The following ARHGAP29 variants were observed in gnomAD, a reference collection of about 807,000 sequenced individuals.
The protein encoded by ARHGAP29 is rho GTPase-activating protein 29.
ARHGAP29 carries 43 observed loss-of-function variants against 122.6 expected under a neutral mutation model. The ratio of observed to expected loss-of-function variants is 0.35; its 90% confidence interval spans 0.27 to 0.45. The LOEUF (loss-of-function observed/expected upper bound fraction) is 0.45, where lower values mean the gene tolerates loss of function less well. ARHGAP29 is among the 20% of genes least tolerant of loss of function. ARHGAP29 has a pLI of 1.00. For missense variants in ARHGAP29, 1,303 were observed against 1,477.2 expected (o/e 0.88, Z 1.93); for synonymous variants, 506 against 497.1 (o/e 1.02, Z -0.24).
the ARHGAP29 span, among the ~76,000 whole-genome samples, chr1:94,312,355 G>GTTTTTTTTTT: frequency 5.6e-5 from 5 of 88,792 alleles, no homozygotes; most frequent in Non-Finnish European, 9.1e-5. Flanking sequence ...ATTTTTATTT[G>GTTTTTTTTTT]TTTTTTTTTT....
intron 5 of ARHGAP29, among the ~76,000 whole-genome samples, chr1:94,208,465 CTT>C (rs1183800081): frequency 6.9e-6 from 1 of 145,662 alleles, no homozygotes; most frequent in African/African-American, 2.5e-5. Context: ...AGCAATTTTT[CTT>C]TTTTTTTTTG....
intron 1 of ARHGAP29, among the ~76,000 whole-genome samples, chr1:94,260,337 C>A (rs992684654): frequency 7.9e-5 from 12 of 152,298 alleles, no homozygotes; most frequent in Admixed American, 3.9e-4. Flanking sequence ...CCCAGAGGGG[C>A]CCTGCCTCAA....
chr1:94,286,101 T>A, the ARHGAP29 span, among the ~76,000 whole-genome samples: 1 of 152,134 alleles, frequency 6.6e-6, no homozygotes, highest in African/African-American at 2.4e-5. Context: ...GGGCTGGAAG[T>A]CTTACATTAG....
Position 94,220,372 on chromosome 1 carries a change from G to A in ARHGAP29, c.226C>T (p.His76Tyr), listed in dbSNP as rs767473796. 8.1e-6 allele frequency: 13 copies of A among 1,599,562 alleles called. No individual in the cohort carries two copies. In the East Asian group the frequency reaches 2.2e-4, roughly 28 times the overall value. ...IFSDCFKEVI[H>Y]IRLEELLRVL... ...CGGAGCAGTTCCTCTAGACGTATATGAATAACTTCTTTAAAACAGTCTTTA... is the reference window on the plus strand; with the variant it reads ...CGGAGCAGTTCCTCTAGACGTATATAAATAACTTCTTTAAAACAGTCTTTA... The change falls in exon 3 of 23, where the codon CAT (histidine) becomes TAT (tyrosine). Residue 76 changes from histidine (H) to tyrosine (Y), a missense_variant. Physicochemically the swap from His to Tyr is moderately conservative, Grantham distance 83 (BLOSUM62 2). This residue lies in a region of ARHGAP29 where 592 missense variants were observed against 648.2 expected (regional missense o/e 0.91). Coordinates refer to ENST00000260526, the MANE Select transcript of ARHGAP29 (RefSeq NM_004815.4).
At chr1:94,207,601 G>C (rs1189558335) in intron 5 of ARHGAP29, among the ~76,000 whole-genome samples, 1 of 152,048 alleles carries the variant, frequency 6.6e-6, no homozygotes, top group Non-Finnish European at 1.5e-5. Flanking sequence ...AGTTTGAAAA[G>C]ATAAAATTTA....
At position 94,174,495 on chromosome 1, in the gene ARHGAP29, CA is replaced by C; in HGVS notation, c.3159del (p.Phe1053LeufsTer38). ...NLDKFCKNPA[F>X]EGVNRKDAAT... ...GCAGCGTCTTTTCTATTAACTCCTTCAAAGGCAGGATTCTTGCAAAACTTGT... is the reference window on the plus strand; with the variant it reads ...GCAGCGTCTTTTCTATTAACTCCTTCAAGGCAGGATTCTTGCAAAACTTGT... On this transcript the variant is annotated frameshift_variant, in exon 23 of 23. Transcript: ENST00000260526. LOFTEE classifies it low-confidence loss of function (END_TRUNC). 6.2e-7 allele frequency: 1 copy of C among 1,614,190 alleles called. No individual in the cohort carries two copies. Among genetic ancestry groups the C allele is most frequent in the Non-Finnish European group, 8.5e-7 (1 of 1,180,036 alleles).
At chr1:94,275,969 G>C (rs201351822), upstream of ARHGAP29, among the ~76,000 whole-genome samples, 2 of 149,084 alleles carry the variant, frequency 1.3e-5, no homozygotes, top group Non-Finnish European at 3.0e-5. Flanking sequence ...AAAAAAAAAA[G>C]TTTTGGGGCC....
intron 1 of ARHGAP29, among the ~76,000 whole-genome samples, chr1:94,271,730 T>C (rs773008987): frequency 3.3e-5 from 5 of 151,954 alleles, no homozygotes; most frequent in Non-Finnish European, 7.4e-5. Context: ...GGAACAGGAG[T>C]AGTCTCACTC....
At chr1:94,265,247 G>C (rs1010620653) in intron 1 of ARHGAP29, among the ~76,000 whole-genome samples, 1 of 152,204 alleles carries the variant, frequency 6.6e-6, no homozygotes, top group Non-Finnish European at 1.5e-5. Flanking sequence ...TCAGTGCCCA[G>C]TTTGGCTCCC....
At chr1:94,216,335 C>T (rs1304511430) in intron 3 of ARHGAP29, among the ~76,000 whole-genome samples, 1 of 152,054 alleles carries the variant, frequency 6.6e-6, no homozygotes, top group Non-Finnish European at 1.5e-5. Context: ...ATGAGGAAAC[C>T]CTTTATGTGC....
chr1:94,237,667 C>T, upstream of ARHGAP29: 2 of 985,882 alleles, frequency 2.0e-6, no homozygotes, highest in Non-Finnish European at 2.4e-6. Context: ...AGCCCATTGG[C>T]CCGCGCTCCC....
chr1:94,185,536 G>A (rs1374598028), intron 16 of ARHGAP29, 55 bp from the exon 17 acceptor site: 3 of 1,403,934 alleles, frequency 2.1e-6, no homozygotes, highest in Admixed American at 4.5e-5. Flanking sequence ...ATTATACCAT[G>A]TGATATCATA....
the ARHGAP29 span, among the ~76,000 whole-genome samples, chr1:94,312,355 GTTTTTTT>G: frequency 1.1e-5 from 1 of 88,800 alleles, no homozygotes; most frequent in Admixed American, 1.2e-4. Flanking sequence ...ATTTTTATTT[GTTTTTTT>G]TTTTTTTTTT....
chr1:94,291,956 C>T, the ARHGAP29 span, among the ~76,000 whole-genome samples: 1 of 152,122 alleles, frequency 6.6e-6, no homozygotes. Flanking sequence ...TGAGGAGTAT[C>T]TTTGTGGTGT....
At chr1:94,205,280 G>C (rs941591996) in intron 6 of ARHGAP29, 82 bp from the exon 7 acceptor site, 2 of 1,123,244 alleles carry the variant, frequency 1.8e-6, no homozygotes, top group Non-Finnish European at 2.4e-6. Context: ...GAGATCCTAA[G>C]ATACTAGTCA....
At chr1:94,308,984 G>A in the ARHGAP29 span, among the ~76,000 whole-genome samples, 10 of 152,178 alleles carry the variant, frequency 6.6e-5, no homozygotes, top group African/African-American at 1.4e-4. Context: ...TTAGTGACCC[G>A]AATTTGCACT....
chr1:94,177,778 C>T lies in ARHGAP29; in HGVS notation c.2797-58G>A. ...AAGTAAAACATAACCTCAAAATAAA[C>T]AGTTCAAAGATCTTTAACTTATTAA... On this transcript the variant is annotated intron_variant, in intron 21 of 22. Coordinates refer to ENST00000260526, the MANE Select transcript of ARHGAP29 (RefSeq NM_004815.4). 4 of 1,563,842 alleles carry T rather than the reference C, an allele frequency of 2.6e-6. No homozygotes were observed. In the South Asian group the frequency reaches 3.5e-5, roughly 14 times the overall value.
Position 94,220,405 on chromosome 1 carries a change from A to G in ARHGAP29, c.206-13T>C, listed in dbSNP as rs1265965495. ...TCTTTAAAACAGTCTTTAAAAAGAA[A>G]AAAAAATAATTTATTTCCAGAGCAA... On this transcript the variant is annotated splice_polypyrimidine_tract_variant and intron_variant, in intron 2 of 22. Transcript: ENST00000260526. 6.4e-7 allele frequency: 1 copy of G among 1,565,776 alleles called. No individual in the cohort carries two copies. Among genetic ancestry groups the G allele is most frequent in the Non-Finnish European group, 8.7e-7 (1 of 1,155,674 alleles).
chr1:94,245,132 T>C (rs1385870708), intron 1 of ARHGAP29, among the ~76,000 whole-genome samples: 2 of 152,174 alleles, frequency 1.3e-5, no homozygotes, highest in African/African-American at 4.8e-5. Flanking sequence ...GTAACTGTAA[T>C]ACATGCTTCT....
Sources: gnomAD v4.1 joint callset for allele counts (sites outside exome capture counted in the v4.1 genomes callset) on GRCh38, gnomAD v4.1.1 for gene constraint, gnomAD v4.1.1 regional missense constraint, MANE v1.5 for transcripts, NCBI Gene and HGNC (gene_info 2026-07-23, HGNC 2026-07-21) for gene names.